The following TENM3 variants were observed in gnomAD, a reference collection of about 807,000 sequenced individuals.
TENM3 encodes teneurin transmembrane protein 3.
Under a neutral mutation model 255.1 loss-of-function variants are expected in TENM3, and 63 were observed. The ratio of observed to expected loss-of-function variants is 0.25; its 90% CI spans 0.20 to 0.30. The LOEUF is 0.30. Ranked by LOEUF, TENM3 falls within the 10% of genes least tolerant of loss-of-function variation. TENM3 has a pLI of 1.00. For missense variants in TENM3, 2,929 were observed against 3,461.1 expected (o/e 0.85, Z 3.86); for synonymous variants, 1,306 against 1,322.3 (o/e 0.99, Z 0.27).
chr4:182,383,195 C>A (rs1449245030), intron 3 of TENM3, among the ~76,000 whole-genome samples: 3 of 152,106 alleles, frequency 2.0e-5, no homozygotes, highest in African/African-American at 7.2e-5. Flanking sequence ...TTGCTAAACT[C>A]ACTTAACAGG....
chr4:182,375,977 T>C (rs1172766722), intron 3 of TENM3, among the ~76,000 whole-genome samples: 1 of 152,230 alleles, frequency 6.6e-6, no homozygotes, highest in African/African-American at 2.4e-5. Flanking sequence ...TTCTTCTTAT[T>C]TGCATTCACT....
At chr4:182,082,829 C>T in the TENM3 span, among the ~76,000 whole-genome samples, 1 of 152,180 alleles carries the variant, frequency 6.6e-6, no homozygotes, top group African/African-American at 2.4e-5. Flanking sequence ...CAATCCACTT[C>T]GTTCTGCCTA....
At chr4:181,916,755 T>C in the TENM3 span, among the ~76,000 whole-genome samples, 2 of 152,044 alleles carry the variant, frequency 1.3e-5, no homozygotes, top group Non-Finnish European at 2.9e-5. Context: ...CGCGTGCTCG[T>C]AATCCCAGCT....
chr4:182,550,841 A>G (rs1049279918), intron 3 of TENM3, among the ~76,000 whole-genome samples: 3 of 152,160 alleles, frequency 2.0e-5, no homozygotes, highest in African/African-American at 7.2e-5. Flanking sequence ...TTGGGAAGGA[A>G]AGATGTTATT....
intron 5 of TENM3, among the ~76,000 whole-genome samples, 175 bp from the exon 6 acceptor site, chr4:182,653,596 T>C (rs1753511245): frequency 6.6e-6 from 1 of 152,092 alleles, no homozygotes; most frequent in Non-Finnish European, 1.5e-5. Flanking sequence ...GCTATGTAAA[T>C]TATATTTGTT....
At chr4:181,675,263 TAAACTGCATTTCC>T in the TENM3 span, among the ~76,000 whole-genome samples, 2 of 152,122 alleles carry the variant, frequency 1.3e-5, no homozygotes, top group Non-Finnish European at 2.9e-5. Context: ...TTATATTTTA[TAAACTGCATTTCC>T]AAACTGCATT....
chr4:182,793,147 C>T lies in TENM3; in HGVS notation c.6475C>T (p.Leu2159Phe). ...WRYNYDLNGN[L>F]HLLNPSNSAR... ...GTACAACTACGATCTGAATGGAAAC[C>T]TCCATTTACTGAACCCAAGTAACAG... is the stretch of plus-strand genomic sequence containing the variant. Residue 2159 changes from leucine (L) to phenylalanine (F), a missense_variant, in exon 26 of 28, where the codon CTC becomes TTC. This residue lies in a region of TENM3 where 256 missense variants were observed against 389.3 expected (regional missense o/e 0.66). Transcript: ENST00000511685. This position sits in a 1 kb window ranked among gnomAD's most constrained non-coding sequence, Gnocchi z 5.7. 6.2e-7 allele frequency: 1 copy of T among 1,614,012 alleles called. No homozygotes were observed. The highest frequency in any genetic ancestry group is 2.2e-5 in the East Asian group (1 of 44,878).
chr4:181,549,025 G>A, the TENM3 span, among the ~76,000 whole-genome samples: 71 of 152,282 alleles, frequency 4.7e-4, no homozygotes, highest in African/African-American at 1.5e-3. Flanking sequence ...GTAATGGGGC[G>A]ATGGTAACAC....
chr4:182,603,491 C>G (rs1196256311), intron 4 of TENM3, among the ~76,000 whole-genome samples: 1 of 152,018 alleles, frequency 6.6e-6, no homozygotes, highest in Non-Finnish European at 1.5e-5. Context: ...TTTCAACTTG[C>G]AGTACTCAGT....
chr4:182,280,289 T>C (rs1188252279), intron 1 of TENM3, among the ~76,000 whole-genome samples: 1 of 152,214 alleles, frequency 6.6e-6, no homozygotes, highest in Non-Finnish European at 1.5e-5. Flanking sequence ...GCCACATAAA[T>C]TTTTTGATTG....
the TENM3 span, among the ~76,000 whole-genome samples, chr4:181,929,090 A>G: frequency 1.3e-5 from 2 of 152,196 alleles, no homozygotes; most frequent in Admixed American, 1.3e-4. Flanking sequence ...AATTGTAAAG[A>G]CCGTCGACAC....
the TENM3 span, among the ~76,000 whole-genome samples, chr4:181,610,127 G>A: frequency 2.0e-5 from 3 of 152,272 alleles, no homozygotes; most frequent in South Asian, 2.1e-4. Context: ...CCTCTATTTC[G>A]CTGAAAAATG....
intron 3 of TENM3, among the ~76,000 whole-genome samples, chr4:182,452,611 TC>T (rs1251562277): frequency 1.3e-5 from 2 of 152,202 alleles, no homozygotes; most frequent in Non-Finnish European, 2.9e-5. Context: ...TCTAGACAAA[TC>T]TAAAGCATAT....
intron 1 of TENM3, among the ~76,000 whole-genome samples, chr4:182,213,481 T>C (rs931890965): frequency 6.6e-6 from 1 of 152,194 alleles, no homozygotes; most frequent in African/African-American, 2.4e-5. Context: ...TAAGATAGCC[T>C]TTCCATAATT....
At position 182,601,107 on chromosome 4, in the gene TENM3, C is replaced by A; in HGVS notation, c.695C>A (p.Ser232Tyr). The A allele has an allele frequency of 6.2e-7, 1 of 1,613,830 alleles. No homozygotes were observed. The highest frequency in any genetic ancestry group is 8.5e-7 in the Non-Finnish European group (1 of 1,179,844). Residue 232 changes from serine to tyrosine, a missense_variant, in exon 4 of 28, where the codon TCC becomes TAC. Around this residue, in one of 6 missense-constraint regions of TENM3, gnomAD observed 1,608 missense variants for 1,884.4 expected, o/e 0.85. Coordinates refer to ENST00000511685, the MANE Select transcript of TENM3 (RefSeq NM_001080477.4). ...GCCGAGCTGCAAACCACACCCGAGT[C>A]CGTCCAGCTGCAGGACAGCTGGGTC... ...LPAELQTTPESVQLQDSWVLG... is the reference protein window; with the variant it reads ...LPAELQTTPEYVQLQDSWVLG...
intron 1 of TENM3, among the ~76,000 whole-genome samples, chr4:182,194,364 A>C (rs2149798742): frequency 6.6e-6 from 1 of 152,294 alleles, no homozygotes; most frequent in East Asian, 1.9e-4. Flanking sequence ...GTGTTGCCAA[A>C]CCTTCGGTAT....
chr4:181,584,483 T>C, the TENM3 span, among the ~76,000 whole-genome samples: 2 of 152,350 alleles, frequency 1.3e-5, no homozygotes, highest in South Asian at 2.1e-4. Context: ...CATAACTTTT[T>C]AATATTTTCC....
the TENM3 span, among the ~76,000 whole-genome samples, chr4:182,094,534 C>T: frequency 0.17 from 25,163 of 152,146 alleles, 2,167 homozygotes; most frequent in Middle Eastern, 0.27. Flanking sequence ...GCGTGAGCCA[C>T]GGCACGCAGC....
the TENM3 span, among the ~76,000 whole-genome samples, chr4:181,590,940 TG>T: frequency 6.6e-6 from 1 of 152,218 alleles, no homozygotes; most frequent in Admixed American, 6.5e-5. Flanking sequence ...CATGCTATGA[TG>T]TCTAAAACAT....
Sources: allele counts gnomAD v4.1 joint callset (sites outside exome capture counted in the v4.1 genomes callset), GRCh38; gene constraint gnomAD v4.1.1; regional missense constraint gnomAD v4.1.1; non-coding constraint Gnocchi (gnomAD v3.1); transcripts MANE v1.5; gene names NCBI Gene and HGNC (gene_info 2026-07-23, HGNC 2026-07-21).